The following AKAP6 variants were observed in gnomAD, a reference collection of about 807,000 sequenced individuals.
AKAP6 encodes the protein A-kinase anchoring protein 6, also known as A-kinase anchor protein 6.
A neutral mutation model predicts 188.5 loss-of-function variants in AKAP6; 58 were observed. That is an observed-to-expected ratio of 0.31 (90% confidence interval 0.25 to 0.38). The LOEUF is 0.38. Among genes scored for constraint, AKAP6 ranks in the 10% least tolerant of loss-of-function variants. AKAP6 has a pLI of 1.00. For synonymous variants in AKAP6, 989 were observed against 998.6 expected, an observed-to-expected ratio of 0.99 and a Z score of 0.18; for missense variants, 2,710 against 2,740.0, an observed-to-expected ratio of 0.99 and a Z score of 0.24.
At chr14:32,378,185 A>G (rs1469055715) in intron 1 of AKAP6, among the ~76,000 whole-genome samples, 1 of 43,394 alleles carries the variant, frequency 2.3e-5, no homozygotes, top group African/African-American at 5.6e-5. Context: ...CATGGCTGCC[A>G]TATTATATAG....
At chr14:32,501,281 A>G (rs927503422) in intron 2 of AKAP6, among the ~76,000 whole-genome samples, 1 of 152,194 alleles carries the variant, frequency 6.6e-6, no homozygotes, top group African/African-American at 2.4e-5. Context: ...TGTATCTTAT[A>G]CTTAGAATAC....
At chr14:32,787,696 G>A (rs930260466) in intron 12 of AKAP6, among the ~76,000 whole-genome samples, 7 of 151,944 alleles carry the variant, frequency 4.6e-5, no homozygotes, top group Non-Finnish European at 8.8e-5. Context: ...AAGAGAGATC[G>A]CTGTTAAAAA....
chr14:32,573,311 G>A (rs1884575276), intron 4 of AKAP6, among the ~76,000 whole-genome samples: 1 of 152,110 alleles, frequency 6.6e-6, no homozygotes, highest in Non-Finnish European at 1.5e-5. Flanking sequence ...GTGGCATTGG[G>A]TTATATCATG....
At chr14:32,537,003 A>G (rs992276355) in intron 3 of AKAP6, among the ~76,000 whole-genome samples, 3 of 152,228 alleles carry the variant, frequency 2.0e-5, no homozygotes, top group Non-Finnish European at 4.4e-5. Flanking sequence ...TTACATTAAT[A>G]TATGAGATTA....
intron 2 of AKAP6, among the ~76,000 whole-genome samples, chr14:32,483,113 A>G (rs1052398233): frequency 1.3e-5 from 2 of 151,976 alleles, no homozygotes; most frequent in Non-Finnish European, 2.9e-5. Flanking sequence ...TGTGTCTTTC[A>G]GCACATCCTC....
At chr14:32,800,189 C>CAT (rs1274299966) in intron 12 of AKAP6, among the ~76,000 whole-genome samples, 14 of 145,770 alleles carry the variant, frequency 9.6e-5, no homozygotes, top group Admixed American at 9.0e-4. Flanking sequence ...TATATATACA[C>CAT]ATATATATAC....
intron 2 of AKAP6, among the ~76,000 whole-genome samples, chr14:32,449,981 A>G (rs1389759061): frequency 1.3e-5 from 2 of 152,080 alleles, no homozygotes; most frequent in Non-Finnish European, 2.9e-5. Flanking sequence ...TGTCATGCCT[A>G]CCCTCGTGCC....
intron 1 of AKAP6, among the ~76,000 whole-genome samples, chr14:32,420,112 C>T (rs1433518552): frequency 1.3e-5 from 2 of 152,044 alleles, no homozygotes; most frequent in African/African-American, 4.8e-5. Flanking sequence ...TCATATAATT[C>T]TGAGGTTTCT....
chr14:32,570,652 G>A (rs1295080285), intron 4 of AKAP6, among the ~76,000 whole-genome samples: 1 of 152,144 alleles, frequency 6.6e-6, no homozygotes, highest in Admixed American at 6.5e-5. Flanking sequence ...ATCCCACGGT[G>A]AATGTTACTG....
chr14:32,559,862 C>G (rs1035423846), intron 4 of AKAP6, among the ~76,000 whole-genome samples: 1 of 149,322 alleles, frequency 6.7e-6, no homozygotes, highest in African/African-American at 2.5e-5. Flanking sequence ...CTCCTCTAAG[C>G]CTAATCTTAA....
chr14:32,493,270 G>A (rs898332091), intron 2 of AKAP6, among the ~76,000 whole-genome samples: 1 of 152,006 alleles, frequency 6.6e-6, no homozygotes, highest in Admixed American at 6.6e-5. Context: ...ATACTGGTGC[G>A]ATCACGGTGC....
At position 32,833,489 on chromosome 14, in the gene AKAP6, A is replaced by G. The variant is rs1043970328; in HGVS notation, c.*3684A>G. 27 of 152,230 alleles carry G rather than the reference A, an allele frequency of 1.8e-4. No individual in the cohort carries two copies. The highest frequency in any genetic ancestry group is 6.5e-4 in the African/African-American group (27 of 41,458). The allele number at this position is 152,230 out of a possible 1,614,324, so 9.4% of individuals were successfully genotyped here. A position where few individuals can be genotyped will look rare whatever the true frequency, so the allele number is the denominator to read the frequency against. On this transcript the variant is annotated 3_prime_UTR_variant, in exon 14 of 14. Transcript: ENST00000280979. ...TGGTTTTAATTACAGAAAGAAAAAT[A>G]TTTGTTAGATTTCTGGTCACTGAAT...
intron 4 of AKAP6, among the ~76,000 whole-genome samples, chr14:32,557,619 C>G (rs1342338364): frequency 6.6e-6 from 1 of 152,142 alleles, no homozygotes; most frequent in South Asian, 2.1e-4. Context: ...GTAGTGTGCT[C>G]TACACTACTT....
rs533928286 is a variant in AKAP6, at chr14:32,358,739, G to T, written c.-35+29331G>T. Among the ~76,000 whole-genome samples, 9 of 152,210 alleles carry T rather than the reference G, an allele frequency of 5.9e-5. No individual in the cohort carries two copies. In the South Asian group the frequency reaches 1.7e-3, roughly 28 times the overall value. On this transcript the variant is annotated intron_variant, in intron 1 of 13. Coordinates refer to ENST00000280979, the MANE Select transcript of AKAP6 (RefSeq NM_004274.5). ...GTTTCCTCAGGGGATAGTGAGAAGG[G>T]AGGAAAAACGATGAGATGTAAGTCA...
intron 2 of AKAP6, among the ~76,000 whole-genome samples, chr14:32,465,311 A>G (rs190419295): frequency 3.3e-5 from 5 of 152,254 alleles, no homozygotes; most frequent in African/African-American, 1.2e-4. Flanking sequence ...ACAAAGCTGT[A>G]GGCATGATGC....
At chr14:32,411,786 C>T (rs4981154) in intron 1 of AKAP6, among the ~76,000 whole-genome samples, 93,809 of 147,850 alleles carry the variant, frequency 0.63, 32,047 homozygotes, top group Non-Finnish European at 0.76. Flanking sequence ...GTTACCATCT[C>T]TCTTACTCTT....
intron 11 of AKAP6, among the ~76,000 whole-genome samples, chr14:32,756,416 A>T (rs1329665435): frequency 6.6e-6 from 1 of 151,960 alleles, no homozygotes; most frequent in Admixed American, 6.6e-5. Context: ...CACAGGGGTA[A>T]TCCTGGAGCC....
Position 32,546,576 on chromosome 14 carries a change from A to T in AKAP6, c.1923A>T (p.Glu641Asp). Residue 641 changes from glutamate (E) to aspartate (D), a missense_variant, in exon 4 of 14, where the codon GAA (glutamate) becomes GAT (aspartate). Around this residue, in one of 2 missense-constraint regions of AKAP6, gnomAD observed 2,473 missense variants for 2,426.1 expected, o/e 1.02. Transcript: ENST00000280979. ...TGCCCTCTCACCTTAAGCAGACAGA[A>T]GTATTGGCTTTGAAGTTGGAAAACC... ...LALPSHLKQT[E>D]VLALKLENLT... 6.2e-7 allele frequency: 1 copy of T among 1,614,200 alleles called. No homozygotes were observed. Among genetic ancestry groups the T allele is most frequent in the Non-Finnish European group, 8.5e-7 (1 of 1,180,028 alleles).
intron 11 of AKAP6, among the ~76,000 whole-genome samples, chr14:32,749,188 C>T (rs2032029983): frequency 6.6e-6 from 1 of 152,122 alleles, no homozygotes; most frequent in African/African-American, 2.4e-5. Context: ...TTTTCTTTGC[C>T]TGAGACTATT....
Sources: gnomAD v4.1 joint callset for allele counts (sites outside exome capture counted in the v4.1 genomes callset) on GRCh38, gnomAD v4.1.1 for gene constraint, gnomAD v4.1.1 regional missense constraint, MANE v1.5 for transcripts, NCBI Gene and HGNC (gene_info 2026-07-23, HGNC 2026-07-21) for gene names.